Variants in EYS observed in about 807,000 individuals in gnomAD.
EYS encodes protein eyes shut homolog.
In EYS, 250 loss-of-function variants were observed where a neutral mutation model predicts 282.1. The observed-to-expected ratio is 0.89, with a 90% CI of 0.80 to 0.98. The LOEUF (loss-of-function observed/expected upper bound fraction) is 0.98, where lower values mean the gene tolerates loss of function less well. EYS is among the 50% of genes least tolerant of loss of function. The pLI, the probability that EYS is intolerant of heterozygous loss-of-function variation, is 0.00. For synonymous variants in EYS, 1,355 were observed against 1,282.9 expected, an observed-to-expected ratio of 1.06 and a Z score of -1.20; for missense variants, 4,016 against 3,709.0, an observed-to-expected ratio of 1.08 and a Z score of -2.15.
At chr6:64,163,599 T>G (rs1011495785) in intron 31 of EYS, among the ~76,000 whole-genome samples, 2 of 152,098 alleles carry the variant, frequency 1.3e-5, no homozygotes, top group Non-Finnish European at 2.9e-5. Flanking sequence ...AAATAACCGT[T>G]TAGCTATTAT....
chr6:65,675,827 G>A (rs1377910572), intron 1 of EYS, among the ~76,000 whole-genome samples: 1 of 151,720 alleles, frequency 6.6e-6, no homozygotes, highest in African/African-American at 2.4e-5. Context: ...TTCTTCTCCA[G>A]GTAAGAATAC....
chr6:65,591,548 T>C (rs141281222), intron 2 of EYS, among the ~76,000 whole-genome samples: 1 of 152,052 alleles, frequency 6.6e-6, no homozygotes, highest in Non-Finnish European at 1.5e-5. Flanking sequence ...TTTATTTTCT[T>C]GCCTTTTTAG....
At chr6:63,770,881 G>A (rs1029864485) in intron 40 of EYS, among the ~76,000 whole-genome samples, 3 of 152,108 alleles carry the variant, frequency 2.0e-5, no homozygotes, top group Non-Finnish European at 2.9e-5. Context: ...TTACTAGGAC[G>A]GGTTGCTATA....
rs75780471 is a variant in EYS, at chr6:65,409,233, T to C, written c.863-3866A>G. 5.3e-5 allele frequency among the ~76,000 whole-genome samples: 8 copies of C among 152,248 alleles called. No individual in the cohort carries two copies. The East Asian group carries it at 1.5e-3, about 29-fold the overall frequency. Reference sequence around the variant, plus strand: ...AACTTGATTTCCTAGGCAAGTCACTTGCCTCCCCTTAGTCCCCACCCTACT... The same window carrying C: ...AACTTGATTTCCTAGGCAAGTCACTCGCCTCCCCTTAGTCCCCACCCTACT... On this transcript the variant is annotated intron_variant, in intron 5 of 42. Coordinates refer to ENST00000503581, the MANE Select transcript of EYS (RefSeq NM_001142800.2).
chr6:64,793,375 A>G (rs1428185079), intron 22 of EYS, among the ~76,000 whole-genome samples: 1 of 152,132 alleles, frequency 6.6e-6, no homozygotes, highest in African/African-American at 2.4e-5. Flanking sequence ...ATTAAGTATG[A>G]CCTGGGAGGA....
intron 14 of EYS, among the ~76,000 whole-genome samples, chr6:64,954,863 A>T (rs9453127): frequency 0.069 from 10,564 of 152,126 alleles, 441 homozygotes; most frequent in East Asian, 0.13. Flanking sequence ...AAGTGAACAA[A>T]CTGAAAAACA....
chr6:65,115,499 A>G lies in EYS; in HGVS notation c.2024-57772T>C, dbSNP rs186596136. ...TCAGACTAGCTAACAGACCTATCAC[A>G]TGCTTTGAAAAAAATGCCTGACACT... On this transcript the variant is annotated intron_variant, in intron 12 of 42. Coordinates refer to ENST00000503581, the MANE Select transcript of EYS (RefSeq NM_001142800.2). Among the ~76,000 whole-genome samples, 4 of 152,042 alleles carry G rather than the reference A, an allele frequency of 2.6e-5. 1 individual carries two copies. The South Asian group carries it at 8.3e-4, about 31-fold the overall frequency.
intron 37 of EYS, among the ~76,000 whole-genome samples, chr6:63,805,748 T>C (rs1770889333): frequency 6.6e-6 from 1 of 152,122 alleles, no homozygotes; most frequent in East Asian, 1.9e-4. Context: ...AGTGAGTGAG[T>C]TCTCAGGAGA....
At chr6:64,143,595 A>G (rs1774414616) in intron 31 of EYS, among the ~76,000 whole-genome samples, 1 of 152,176 alleles carries the variant, frequency 6.6e-6, no homozygotes, top group African/African-American at 2.4e-5. Context: ...GATACCCACT[A>G]ATGAATGGGA....
At chr6:64,641,053 C>A (rs1582986525) in intron 22 of EYS, among the ~76,000 whole-genome samples, 1 of 152,170 alleles carries the variant, frequency 6.6e-6, no homozygotes, top group Non-Finnish European at 1.5e-5. Flanking sequence ...AAAGCTATAT[C>A]TTCACAATAG....
intron 22 of EYS, among the ~76,000 whole-genome samples, chr6:64,778,549 G>T (rs1425781611): frequency 2.0e-5 from 3 of 152,036 alleles, no homozygotes; most frequent in Non-Finnish European, 4.4e-5. Flanking sequence ...TTCTCTCTGA[G>T]AATTTAAACA....
intron 31 of EYS, among the ~76,000 whole-genome samples, chr6:64,224,866 C>A (rs77616975): frequency 7.9e-5 from 12 of 151,560 alleles, no homozygotes; most frequent in Non-Finnish European, 1.6e-4. Context: ...AAAGAAGAGG[C>A]CTGTTTTGTG....
chr6:65,456,731 A>C (rs949454334), intron 5 of EYS, among the ~76,000 whole-genome samples: 1 of 151,814 alleles, frequency 6.6e-6, no homozygotes, highest in African/African-American at 2.4e-5. Flanking sequence ...AAAAAAAAAA[A>C]CCTCACAACA....
At chr6:64,679,040 C>T (rs1486365624) in intron 22 of EYS, among the ~76,000 whole-genome samples, 3 of 151,440 alleles carry the variant, frequency 2.0e-5, no homozygotes, top group African/African-American at 4.9e-5. Context: ...TATACACTTA[C>T]ATAATTTAAA....
At chr6:63,752,997 T>C (rs914821632) in intron 41 of EYS, among the ~76,000 whole-genome samples, 3 of 151,692 alleles carry the variant, frequency 2.0e-5, no homozygotes, top group African/African-American at 2.4e-5. Context: ...TTTAGACTAG[T>C]CTTGTTTGGT....
chr6:65,538,045 T>C (rs915031961), intron 2 of EYS, among the ~76,000 whole-genome samples: 24 of 152,170 alleles, frequency 1.6e-4, no homozygotes, highest in African/African-American at 5.5e-4. Context: ...ATTTCCTCAT[T>C]TTATTAAATA....
intron 33 of EYS, among the ~76,000 whole-genome samples, chr6:63,999,681 T>G (rs1255499518): frequency 6.6e-6 from 1 of 152,198 alleles, no homozygotes; most frequent in East Asian, 1.9e-4. Flanking sequence ...GATACAGTTA[T>G]CAGAACTCAG....
intron 12 of EYS, among the ~76,000 whole-genome samples, chr6:65,227,483 T>C (rs77199564): frequency 0.03 from 4,559 of 152,258 alleles, 91 homozygotes; most frequent in South Asian, 0.046. Flanking sequence ...AAAGCCACTG[T>C]AGAAAATGAT....
chr6:63,720,621 C>T lies in EYS; in HGVS notation c.9410G>A (p.Gly3137Glu), dbSNP rs1210659365. Residue 3137 changes from glycine (G) to glutamate (E), a missense_variant, in exon 43 of 43, where the codon GGA becomes GAA. By Grantham distance (98) the Gly-to-Glu change is moderately conservative (BLOSUM62 -2). Coordinates refer to ENST00000503581, the MANE Select transcript of EYS (RefSeq NM_001142800.2). Reference sequence around the variant, plus strand: ...TTATGTAACCTCATTTTGTTCATCTCCATCATAAACATTGTATCCTTCTAA... The same window carrying T: ...TTATGTAACCTCATTTTGTTCATCTTCATCATAAACATTGTATCCTTCTAA... ...IKLEGYNVYD[G>E]DEQNEVT The T allele has an allele frequency of 2.7e-6, 4 of 1,498,200 alleles. No individual in the cohort carries two copies. The African/African-American group carries it at 5.6e-5, about 21-fold the overall frequency. The allele number at this position is 1,498,200 out of a possible 1,614,324, so 92.8% of individuals were successfully genotyped here. A position where few individuals can be genotyped will look rare whatever the true frequency, so the allele number is the denominator to read the frequency against.
Sources: gnomAD v4.1 joint callset for allele counts (sites outside exome capture counted in the v4.1 genomes callset) on GRCh38, gnomAD v4.1.1 for gene constraint, MANE v1.5 for transcripts, NCBI Gene and HGNC (gene_info 2026-07-23, HGNC 2026-07-21) for gene names.